The following ARFGEF1 variants were observed in gnomAD, a reference collection of about 807,000 sequenced individuals.
The protein encoded by ARFGEF1 is brefeldin A-inhibited guanine nucleotide-exchange protein 1.
In ARFGEF1, 42 loss-of-function variants were observed where a neutral mutation model predicts 231.0. The ratio of observed to expected loss-of-function variants is 0.18; its 90% CI spans 0.14 to 0.24. ARFGEF1 has a LOEUF of 0.24. Ranked by LOEUF, ARFGEF1 falls within the 10% of genes least tolerant of loss-of-function variation. The pLI, the probability that ARFGEF1 is intolerant of heterozygous loss-of-function variation, is 1.00. For synonymous variants in ARFGEF1, 710 were observed against 732.3 expected (o/e 0.97, Z 0.49); for missense variants, 1,345 against 2,192.0 (o/e 0.61, Z 7.72).
chr8:67,322,026 C>A (rs1164899377), intron 1 of ARFGEF1, among the ~76,000 whole-genome samples: 1 of 152,172 alleles, frequency 6.6e-6, no homozygotes, highest in Non-Finnish European at 1.5e-5. Flanking sequence ...ATTGTAAATC[C>A]CCTGTAAAGA....
intron 1 of ARFGEF1, among the ~76,000 whole-genome samples, chr8:67,326,469 A>G (rs766715907): frequency 6.6e-6 from 1 of 152,246 alleles, no homozygotes; most frequent in African/African-American, 2.4e-5. Context: ...GAGAAGGCCT[A>G]AATGGATACA....
At chr8:67,226,290 C>G in intron 27 of ARFGEF1, 107 bp from the exon 28 acceptor site, 1 of 1,017,396 alleles carries the variant, frequency 9.8e-7, no homozygotes, top group Non-Finnish European at 1.4e-6. Context: ...AAGGTTGTTA[C>G]AGGTTCTGAC....
intron 10 of ARFGEF1, 64 bp from the exon 11 acceptor site, chr8:67,267,506 T>C (rs577993290): frequency 1.5e-4 from 162 of 1,088,538 alleles, no homozygotes; most frequent in Admixed American, 3.7e-4. Context: ...GATCACTTTT[T>C]AAACATCCCA....
At chr8:67,293,244 T>G (rs1806085630) in intron 5 of ARFGEF1, among the ~76,000 whole-genome samples, 1 of 152,154 alleles carries the variant, frequency 6.6e-6, no homozygotes, top group African/African-American at 2.4e-5. Flanking sequence ...TTATCATAAT[T>G]CAGTTCTGCA....
intron 28 of ARFGEF1, among the ~76,000 whole-genome samples, chr8:67,225,598 G>C (rs1167195824): frequency 6.6e-6 from 1 of 152,122 alleles, no homozygotes; most frequent in African/African-American, 2.4e-5. Flanking sequence ...TCCATAGTCA[G>C]TCAGCTTCAG....
Position 67,201,545 on chromosome 8 carries a change from C to T in ARFGEF1, c.5189G>A (p.Gly1730Glu). Reference sequence around the variant, plus strand: ...GTACATCCGGAAGAGAATGCGCAGCCCACAGGCCAGGCTGCTGGTCTCCTG... The same window carrying T: ...GTACATCCGGAAGAGAATGCGCAGCTCACAGGCCAGGCTGCTGGTCTCCTG... ...LKQETSSLACGLRILFRMYMD... is the reference protein window; with the variant it reads ...LKQETSSLACELRILFRMYMD... The change falls in exon 37 of 39, where the codon GGG becomes GAG. Residue 1730 changes from glycine (G) to glutamate (E), a missense_variant. By Grantham distance (98) the Gly-to-Glu change is moderately conservative (BLOSUM62 -2). This residue lies in a region of ARFGEF1 where 161 missense variants were observed against 284.9 expected (regional missense o/e 0.57). Transcript: ENST00000262215. 6.2e-7 allele frequency: 1 copy of T among 1,613,668 alleles called. No homozygotes were observed. Among genetic ancestry groups the T allele is most frequent in the Non-Finnish European group, 8.5e-7 (1 of 1,179,866 alleles).
intron 1 of ARFGEF1, among the ~76,000 whole-genome samples, chr8:67,332,602 G>A (rs747384770): frequency 3.3e-5 from 5 of 152,218 alleles, no homozygotes; most frequent in Non-Finnish European, 7.3e-5. Flanking sequence ...TCACTGAAAT[G>A]TACATGGCAA....
At chr8:67,262,553 G>A (rs1804679476) in intron 14 of ARFGEF1, among the ~76,000 whole-genome samples, 1 of 152,226 alleles carries the variant, frequency 6.6e-6, no homozygotes, top group African/African-American at 2.4e-5. Flanking sequence ...ACATATTACT[G>A]TAGGTAAATA....
chr8:67,277,258 C>G (rs1477437871), intron 8 of ARFGEF1, 24 bp downstream of exon 8: 1 of 1,607,002 alleles, frequency 6.2e-7, no homozygotes, highest in South Asian at 1.1e-5. Context: ...GGATTTCTCC[C>G]CCTCCCCACC....
At chr8:67,305,629 G>T (rs966343391) in intron 1 of ARFGEF1, among the ~76,000 whole-genome samples, 2 of 152,156 alleles carry the variant, frequency 1.3e-5, no homozygotes, top group South Asian at 4.1e-4. Flanking sequence ...TTACAGGTGT[G>T]AGCCACCGCG....
chr8:67,175,475 C>T (rs62513125), downstream of ARFGEF1: 12,081 of 1,610,576 alleles, frequency 7.5e-3, 64 homozygotes, highest in Middle Eastern at 0.022. Flanking sequence ...AGTATCAGCA[C>T]GCTGTTTTTC....
intron 5 of ARFGEF1, chr8:67,190,813 G>A: frequency 7.9e-7 from 1 of 1,263,136 alleles, no homozygotes; most frequent in South Asian, 1.2e-5. Flanking sequence ...AGAGGTCTGG[G>A]TTCTGACCTG....
intron 15 of ARFGEF1, among the ~76,000 whole-genome samples, chr8:67,259,186 T>G (rs1332112494): frequency 2.0e-5 from 3 of 152,208 alleles, no homozygotes; most frequent in South Asian, 4.1e-4. Flanking sequence ...AACTCATGGC[T>G]ACGGAGGACC....
intron 36 of ARFGEF1, 88 bp downstream of exon 36, chr8:67,202,995 G>C: frequency 7.4e-7 from 1 of 1,360,078 alleles, no homozygotes; most frequent in East Asian, 2.3e-5. Flanking sequence ...CAGACCTATA[G>C]CAGACAGTCA....
intron 22 of ARFGEF1, among the ~76,000 whole-genome samples, chr8:67,235,646 T>C (rs955819042): frequency 2.0e-5 from 3 of 152,014 alleles, no homozygotes; most frequent in Non-Finnish European, 4.4e-5. Flanking sequence ...CCGGGCAACA[T>C]ACTGAAATAG....
chr8:67,245,672 C>G (rs1353722774), intron 19 of ARFGEF1, among the ~76,000 whole-genome samples: 1 of 149,104 alleles, frequency 6.7e-6, no homozygotes, highest in African/African-American at 2.5e-5. Context: ...AAAAGGAAGA[C>G]AGGAAAGAAG....
Position 67,224,958 on chromosome 8 carries a change from T to C in ARFGEF1, c.4153A>G (p.Ile1385Val), listed in dbSNP as rs377506272. The C allele has an allele frequency of 8.1e-6, 13 of 1,606,812 alleles. No homozygotes were observed. The highest frequency in any genetic ancestry group is 4.5e-5 in the East Asian group (2 of 44,598). ...DRVWVRGWFP[I>V]LFELSCIINR... Reference sequence around the variant, plus strand: ...ATGATACAGGATAACTCAAAGAGAATTGGGAACCATCCTCTCACCCACACC... The same window carrying C: ...ATGATACAGGATAACTCAAAGAGAACTGGGAACCATCCTCTCACCCACACC... Residue 1385 changes from isoleucine (I) to valine (V), a missense_variant, in exon 29 of 39, where the codon ATT (isoleucine) becomes GTT (valine). Coordinates refer to ENST00000262215, the MANE Select transcript of ARFGEF1 (RefSeq NM_006421.5).
downstream of ARFGEF1, chr8:67,195,682 C>T: frequency 3.8e-6 from 4 of 1,063,156 alleles, no homozygotes; most frequent in Admixed American, 2.5e-5. Context: ...TTGGCCCCTA[C>T]CTGAAAGTTA....
intron 5 of ARFGEF1, among the ~76,000 whole-genome samples, chr8:67,188,737 C>G (rs1347783004): frequency 6.6e-6 from 1 of 152,210 alleles, no homozygotes; most frequent in Non-Finnish European, 1.5e-5. Context: ...CTCTACACTT[C>G]TGATCCAGCG....
Sources: gnomAD v4.1 joint callset for allele counts (sites outside exome capture counted in the v4.1 genomes callset) on GRCh38, gnomAD v4.1.1 for gene constraint, gnomAD v4.1.1 regional missense constraint, MANE v1.5 for transcripts, NCBI Gene and HGNC (gene_info 2026-07-23, HGNC 2026-07-21) for gene names.